The following PCSK5 variants were observed in gnomAD, a reference collection of about 807,000 sequenced individuals.
PCSK5 encodes proprotein convertase subtilisin/kexin type 5.
In PCSK5, 129 loss-of-function variants were observed where a neutral mutation model predicts 233.2. That is an observed-to-expected ratio of 0.55 (90% CI 0.48 to 0.64). The LOEUF is 0.64. PCSK5 is among the 30% of genes least tolerant of loss of function. PCSK5 has a pLI of 0.00. For missense variants in PCSK5, 2,076 were observed against 2,430.1 expected, an observed-to-expected ratio of 0.85 and a Z score of 3.06; for synonymous variants, 825 against 879.2, an observed-to-expected ratio of 0.94 and a Z score of 1.09.
chr9:76,214,398 G>A (rs1301946423), intron 20 of PCSK5, among the ~76,000 whole-genome samples: 2 of 152,056 alleles, frequency 1.3e-5, no homozygotes, highest in Non-Finnish European at 2.9e-5. Context: ...ATTTAAACAT[G>A]AAATCTCATC....
chr9:75,965,714 C>A (rs1825555538), intron 2 of PCSK5, among the ~76,000 whole-genome samples: 1 of 152,168 alleles, frequency 6.6e-6, no homozygotes, highest in Non-Finnish European at 1.5e-5. Flanking sequence ...CAAGTGGGCA[C>A]ATAAAATTAA....
At chr9:76,292,119 A>G (rs1828295129) in intron 24 of PCSK5, 114 bp from the exon 25 acceptor site, 4 of 700,380 alleles carry the variant, frequency 5.7e-6, no homozygotes, top group Middle Eastern at 3.3e-4. Context: ...TGGACAGTAC[A>G]TTTCATGAAA....
chr9:76,338,274 G>A lies in PCSK5; in HGVS notation c.4793G>A (p.Arg1598Lys). ...NSTGRCERCNRSCKGCQGPRP... is the reference protein window; with the variant it reads ...NSTGRCERCNKSCKGCQGPRP... ...ACTGGCCGGTGTGAGAGGTGCAACA[G>A]GAGCTGCAAGGGGTGCCAGGGCCCA... The change falls in exon 35 of 38, where the codon AGG becomes AAG. Residue 1598 changes from arginine (R) to lysine (K), a missense_variant. By Grantham distance (26) the Arg-to-Lys change is conservative. Transcript: ENST00000674117. The A allele has an allele frequency of 6.2e-7, 1 of 1,612,604 alleles. No individual in the cohort carries two copies. The highest frequency in any genetic ancestry group is 8.5e-7 in the Non-Finnish European group (1 of 1,179,712).
At chr9:76,110,158 G>C (rs1832152448) in intron 9 of PCSK5, among the ~76,000 whole-genome samples, 1 of 152,184 alleles carries the variant, frequency 6.6e-6, no homozygotes, top group African/African-American at 2.4e-5. Flanking sequence ...TTTAAGAAGA[G>C]AGGAGAGAAA....
intron 2 of PCSK5, among the ~76,000 whole-genome samples, chr9:75,951,926 CTG>C (rs34706975): frequency 0.055 from 8,381 of 152,146 alleles, 268 homozygotes; most frequent in Middle Eastern, 0.11. Context: ...CAAGGGATGA[CTG>C]TATTTTAATT....
At chr9:76,144,981 T>C (rs560190416) in intron 10 of PCSK5, among the ~76,000 whole-genome samples, 1 of 152,116 alleles carries the variant, frequency 6.6e-6, no homozygotes, top group South Asian at 2.1e-4. Flanking sequence ...AAAAATTAGC[T>C]GGGTGTGGTG....
intron 5 of PCSK5, among the ~76,000 whole-genome samples, chr9:76,058,972 C>T (rs1183625601): frequency 1.4e-5 from 2 of 147,836 alleles, no homozygotes; most frequent in Admixed American, 6.7e-5. Flanking sequence ...TGGCGAGACC[C>T]ACACCCACTT....
Position 76,038,991 on chromosome 9 carries a change from C to T in PCSK5, c.632+11954C>T, listed in dbSNP as rs115940091. Among the ~76,000 whole-genome samples, 828 of 152,204 alleles carry T rather than the reference C, an allele frequency of 5.4e-3. 11 individuals are homozygous for T. Among genetic ancestry groups the T allele is most frequent in the African/African-American group, 0.018 (732 of 41,532 alleles). On this transcript the variant is annotated intron_variant, in intron 5 of 37. Coordinates refer to ENST00000674117, the MANE Select transcript of PCSK5 (RefSeq NM_001372043.1). ...GAACCACATTCCACAACATGGAGCG[C>T]GGGAACAATACCAATTTCACTGTTA...
chr9:76,126,837 G>A (rs2131730016), intron 9 of PCSK5, among the ~76,000 whole-genome samples: 1 of 152,246 alleles, frequency 6.6e-6, no homozygotes, highest in Admixed American at 6.5e-5. Context: ...AAGGGGTACA[G>A]CATACTTTAT....
chr9:76,118,313 A>C (rs1356512358), intron 9 of PCSK5, among the ~76,000 whole-genome samples: 1 of 152,134 alleles, frequency 6.6e-6, no homozygotes, highest in Non-Finnish European at 1.5e-5. Context: ...ATATTTTTTA[A>C]TTTTAAAAAA....
At chr9:76,258,414 T>G (rs2803408) in intron 24 of PCSK5, among the ~76,000 whole-genome samples, 2,965 of 152,292 alleles carry the variant, frequency 0.019, 54 homozygotes, top group Non-Finnish European at 0.027. Context: ...GAAAGTTCTT[T>G]TGAAGGGGTG....
At chr9:76,023,628 A>T (rs1306747211) in intron 3 of PCSK5, 110 bp from the exon 4 acceptor site, 17 of 1,003,274 alleles carry the variant, frequency 1.7e-5, no homozygotes, top group Non-Finnish European at 2.3e-5. Context: ...ACACTACTAC[A>T]CTCCAGCCTG....
intron 9 of PCSK5, among the ~76,000 whole-genome samples, chr9:76,118,996 T>TA (rs1180103196): frequency 6.6e-6 from 1 of 152,084 alleles, no homozygotes; most frequent in Non-Finnish European, 1.5e-5. Flanking sequence ...ACCTTTTTTT[T>TA]AACCAAATAA....
intron 3 of PCSK5, among the ~76,000 whole-genome samples, chr9:75,995,958 T>C (rs1827003825): frequency 6.6e-6 from 1 of 152,192 alleles, no homozygotes; most frequent in African/African-American, 2.4e-5. Flanking sequence ...TACTATGGCA[T>C]TTTGAAAAAT....
chr9:75,969,648 G>C (rs1186610221), intron 2 of PCSK5, among the ~76,000 whole-genome samples: 2 of 152,168 alleles, frequency 1.3e-5, no homozygotes, highest in Admixed American at 6.5e-5. Flanking sequence ...AAGCAAGCTT[G>C]TTGGTGGGTG....
chr9:76,037,579 C>T (rs1030046761), intron 5 of PCSK5, among the ~76,000 whole-genome samples: 7 of 152,086 alleles, frequency 4.6e-5, no homozygotes, highest in African/African-American at 9.7e-5. Flanking sequence ...GTTGGAATCA[C>T]ATAAAGTAAA....
At chr9:76,300,666 C>A (rs1223206670) in intron 27 of PCSK5, among the ~76,000 whole-genome samples, 1 of 152,140 alleles carries the variant, frequency 6.6e-6, no homozygotes, top group Admixed American at 6.5e-5. Flanking sequence ...TATGTCTACA[C>A]CCTCTAGCAG....
At chr9:76,098,886 C>T (rs956686252) in intron 8 of PCSK5, among the ~76,000 whole-genome samples, 1 of 152,126 alleles carries the variant, frequency 6.6e-6, no homozygotes, top group African/African-American at 2.4e-5. Context: ...TGTGTGGTTG[C>T]CGCTGTGACT....
At chr9:76,197,702 C>A (rs202182933) in intron 20 of PCSK5, among the ~76,000 whole-genome samples, 2 of 63,556 alleles carry the variant, frequency 3.1e-5, no homozygotes, top group African/African-American at 1.4e-4. Flanking sequence ...CAATTTAATA[C>A]CCCCCCTCCT....
Sources: allele counts gnomAD v4.1 joint callset (sites outside exome capture counted in the v4.1 genomes callset), GRCh38; gene constraint gnomAD v4.1.1; transcripts MANE v1.5; gene names NCBI Gene and HGNC (gene_info 2026-07-23, HGNC 2026-07-21).